The following SCARB2 variants were observed in gnomAD, a reference collection of about 807,000 sequenced individuals.
SCARB2 encodes the protein lysosome membrane protein 2.
A neutral mutation model predicts 58.6 loss-of-function variants in SCARB2; 29 were observed. The observed-to-expected ratio is 0.49, with a 90% CI of 0.37 to 0.67. The LOEUF (loss-of-function observed/expected upper bound fraction) is 0.67, where lower values mean the gene tolerates loss of function less well. Ranked by LOEUF, SCARB2 falls within the 30% of genes least tolerant of loss-of-function variation. The pLI is 0.00. For synonymous variants in SCARB2, 195 were observed against 210.1 expected, an observed-to-expected ratio of 0.93 and a Z score of 0.62; for missense variants, 488 against 578.5, an observed-to-expected ratio of 0.84 and a Z score of 1.60.
At chr4:76,216,067 GA>G (rs1017846727), upstream of SCARB2, among the ~76,000 whole-genome samples, 10 of 152,134 alleles carry the variant, frequency 6.6e-5, no homozygotes, top group Admixed American at 2.0e-4. Context: ...GTGGGGTCCT[GA>G]ATGATTCAAC....
chr4:76,179,810 A>G (rs754069298), intron 3 of SCARB2, 105 bp from the exon 4 acceptor site: 4 of 908,080 alleles, frequency 4.4e-6, no homozygotes, highest in Non-Finnish European at 7.3e-6. Flanking sequence ...ATAAATGTAA[A>G]GGTTGAGATT....
intron 7 of SCARB2, 74 bp from the exon 8 acceptor site, chr4:76,170,059 G>A (rs1732098078): frequency 2.2e-6 from 3 of 1,335,068 alleles, no homozygotes; most frequent in African/African-American, 1.4e-5. Context: ...AAAAGTTCCT[G>A]GCCACAGCCT....
upstream of SCARB2, chr4:76,217,678 C>T (rs1423556956): frequency 1.6e-6 from 1 of 640,966 alleles, no homozygotes; most frequent in Non-Finnish European, 2.8e-6. Flanking sequence ...CTTTTCACTA[C>T]CCAATCTCAG....
In SCARB2 at chr4:76,161,662, C is replaced by T. The variant is rs367998278; in HGVS notation, c.*51G>A. 74 of 1,596,430 alleles carry T rather than the reference C, an allele frequency of 4.6e-5. No homozygotes were observed. Among genetic ancestry groups the T allele is most frequent in the African/African-American group, 8.0e-5 (6 of 74,544 alleles). Reference sequence around the variant, plus strand: ...GAGGTGGAGGGTTTCCCCACGTCATCGTCCAGGTCAGGACAGCTCACACAG... The same window carrying T: ...GAGGTGGAGGGTTTCCCCACGTCATTGTCCAGGTCAGGACAGCTCACACAG... On this transcript the variant is annotated 3_prime_UTR_variant, in exon 12 of 12. Transcript: ENST00000264896.
chr4:76,222,713 T>A (rs922243056), intron 1 of SCARB2, among the ~76,000 whole-genome samples: 3 of 152,196 alleles, frequency 2.0e-5, no homozygotes, highest in Non-Finnish European at 4.4e-5. Flanking sequence ...CTATTTACTA[T>A]GTCTGAGCAA....
rs1578737858 is a variant in SCARB2, at chr4:76,203,689, C to T, written c.118-7825G>A. Among the ~76,000 whole-genome samples the T allele has an allele frequency of 2.0e-5, 3 of 152,316 alleles. 1 individual carries two copies. Among genetic ancestry groups the T allele is most frequent in the Admixed American group, 2.0e-4 (3 of 15,298 alleles). The stretch of plus-strand genomic sequence containing the variant: ...AGTGAACATGGAGTCGCTGGCCAGG[C>T]TGACACCTGACCTGCAGATGAAGGA... On this transcript the variant is annotated intron_variant, in intron 1 of 11. Coordinates refer to ENST00000264896, the MANE Select transcript of SCARB2 (RefSeq NM_005506.4).
chr4:76,168,404 C>G lies in SCARB2; in HGVS notation c.1186G>C (p.Val396Leu). 6.2e-7 allele frequency: 1 copy of G among 1,613,798 alleles called. No individual in the cohort carries two copies. The highest frequency in any genetic ancestry group is 8.5e-7 in the Non-Finnish European group (1 of 1,179,694). Reference protein sequence around the residue: ...NIYVKKLDDFVETGDIRTMVF... With the variant: ...NIYVKKLDDFLETGDIRTMVF... ...TCCATAGAAAGAAGCAAAACTTACA[C>G]AAAGTCATCTAATTTTTTGACATAA... The change falls in exon 9 of 12, where the codon GTT becomes CTT. Residue 396 changes from valine (V) to leucine (L), a missense_variant and splice_region_variant. Val to Leu is a conservative substitution (Grantham distance 32, BLOSUM62 1). Coordinates refer to ENST00000264896, the MANE Select transcript of SCARB2 (RefSeq NM_005506.4).
chr4:76,233,401 T>C (rs949451201), intron 1 of SCARB2, among the ~76,000 whole-genome samples: 1 of 152,222 alleles, frequency 6.6e-6, no homozygotes, highest in African/African-American at 2.4e-5. Context: ...CCTATTTACA[T>C]TTTAATGACA....
intron 7 of SCARB2, chr4:76,173,845 A>ATTTTTTTT: frequency 2.8e-6 from 1 of 361,234 alleles, no homozygotes. Context: ...AAAAGCCATG[A>ATTTTTTTT]TTTTTTTTTA....
At chr4:76,220,988 A>G (rs951104170) in intron 1 of SCARB2, among the ~76,000 whole-genome samples, 3 of 152,084 alleles carry the variant, frequency 2.0e-5, no homozygotes, top group African/African-American at 4.8e-5. Context: ...TTATTTCCCC[A>G]TGGGAAACTG....
intron 1 of SCARB2, among the ~76,000 whole-genome samples, chr4:76,226,870 A>G (rs1733407219): frequency 6.6e-6 from 1 of 152,170 alleles, no homozygotes; most frequent in Non-Finnish European, 1.5e-5. Context: ...TGGTTGTAAT[A>G]GCTCCCATTT....
chr4:76,213,783 G>C lies in SCARB2; in HGVS notation c.-240C>G. 2.5e-6 allele frequency: 1 copy of C among 403,386 alleles called. No homozygotes were observed. Among genetic ancestry groups the C allele is most frequent in the East Asian group, 5.0e-5 (1 of 19,908 alleles). 25.0% of individuals were successfully genotyped at this position (403,386 alleles called of 1,614,324 possible). ...CCCGGACTCGGTTTCGGTTTCCTTCGCCGGGCAGCCGTGGCGCCCGCCTAG... is the reference window on the plus strand; with the variant it reads ...CCCGGACTCGGTTTCGGTTTCCTTCCCCGGGCAGCCGTGGCGCCCGCCTAG... On this transcript the variant is annotated 5_prime_UTR_variant, in exon 1 of 12. Coordinates refer to ENST00000264896, the MANE Select transcript of SCARB2 (RefSeq NM_005506.4).
At chr4:76,167,626 A>G (rs536599166) in intron 9 of SCARB2, among the ~76,000 whole-genome samples, 1 of 150,562 alleles carries the variant, frequency 6.6e-6, no homozygotes, top group South Asian at 2.1e-4. Context: ...AAATCTCTTT[A>G]TAAATTAACC....
intron 1 of SCARB2, among the ~76,000 whole-genome samples, chr4:76,225,502 A>G (rs1172740790): frequency 1.3e-5 from 2 of 152,172 alleles, no homozygotes; most frequent in Non-Finnish European, 2.9e-5. Context: ...TTCCCCATTC[A>G]GTATAATGTT....
chr4:76,195,941 A>G, intron 1 of SCARB2, 77 bp from the exon 2 acceptor site: 1 of 1,124,232 alleles, frequency 8.9e-7, no homozygotes, highest in Non-Finnish European at 1.3e-6. Flanking sequence ...AGAGGAAGGG[A>G]CGCCCCCTAT....
chr4:76,172,051 A>C (rs1489612289), intron 7 of SCARB2, among the ~76,000 whole-genome samples: 1 of 148,820 alleles, frequency 6.7e-6, no homozygotes, highest in East Asian at 1.9e-4. Context: ...AGCAAATATA[A>C]GTATATGCAA....
chr4:76,166,066 C>T, intron 10 of SCARB2, 184 bp downstream of exon 10: 1 of 696,074 alleles, frequency 1.4e-6, no homozygotes, highest in Non-Finnish European at 2.6e-6. Flanking sequence ...ATCATTTCTC[C>T]AAATCAGCTC....
intron 2 of SCARB2, among the ~76,000 whole-genome samples, chr4:76,191,699 CTCTT>C (rs1352172247): frequency 6.6e-6 from 1 of 151,658 alleles, no homozygotes; most frequent in Non-Finnish European, 1.5e-5. Flanking sequence ...AGGTCTCTCC[CTCTT>C]TCTTTTCTTT....
chr4:76,196,123 C>A (rs1034330987), intron 1 of SCARB2, among the ~76,000 whole-genome samples: 1 of 152,168 alleles, frequency 6.6e-6, no homozygotes, highest in African/African-American at 2.4e-5. Flanking sequence ...TCTGGGAGGC[C>A]AAGGCGGGCA....
Sources: gnomAD v4.1 joint callset for allele counts (sites outside exome capture counted in the v4.1 genomes callset) on GRCh38, gnomAD v4.1.1 for gene constraint, MANE v1.5 for transcripts, NCBI Gene and HGNC (gene_info 2026-07-23, HGNC 2026-07-21) for gene names.